RNF182: variants seen among roughly 807,000 people sequenced by gnomAD.
The protein encoded by RNF182 is E3 ubiquitin-protein ligase RNF182.
A neutral mutation model predicts 14.4 loss-of-function variants in RNF182; 15 were observed. The ratio of observed to expected loss-of-function variants is 1.04; its 90% CI spans 0.70 to 1.60. The LOEUF is 1.60. Among genes scored for constraint, RNF182 ranks in the 40% most tolerant of loss-of-function variants. The probability of loss-of-function intolerance (pLI) is 0.00; values close to 1 mark genes in which losing one functional copy is unlikely to be tolerated. For missense variants in RNF182, 268 were observed against 294.8 expected (o/e 0.91, Z 0.67); for synonymous variants, 128 against 122.9 (o/e 1.04, Z -0.27).
At chr6:13,972,452 A>C (rs1760214386) in intron 1 of RNF182, among the ~76,000 whole-genome samples, 1 of 152,196 alleles carries the variant, frequency 6.6e-6, no homozygotes, top group Admixed American at 6.5e-5. Context: ...GTTAATTGCC[A>C]AGACAATGGG....
rs921129182 is a variant in RNF182 at position 13,924,951 on chromosome 6, CGG to C, written c.-437_-436del. Reference sequence around the variant, plus strand: ...GCTCCTCGCGCGAGCTCCTCCTCCACGGGAACCTCCCTCCCCTCCCAGGCGCC... The same window carrying C: ...GCTCCTCGCGCGAGCTCCTCCTCCACGAACCTCCCTCCCCTCCCAGGCGCC... On this transcript the variant is annotated 5_prime_UTR_variant, in exon 1 of 3. Transcript: ENST00000488300. The C allele has an allele frequency of 6.5e-5, 7 of 108,378 alleles. No homozygotes were observed. The highest frequency in any genetic ancestry group is 2.4e-4 in the African/African-American group (7 of 28,856). 6.7% of individuals were successfully genotyped at this position (108,378 alleles called of 1,614,324 possible).
intron 1 of RNF182, among the ~76,000 whole-genome samples, chr6:13,936,946 C>T (rs1226247974): frequency 1.3e-5 from 2 of 151,832 alleles, no homozygotes; most frequent in African/African-American, 2.4e-5. Flanking sequence ...GGAGTGAGGT[C>T]GAGGAGGAGA....
intron 1 of RNF182, among the ~76,000 whole-genome samples, chr6:13,928,145 A>G (rs1758875995): frequency 1.3e-5 from 2 of 152,340 alleles, no homozygotes; most frequent in Non-Finnish European, 2.9e-5. Flanking sequence ...TGGAGATAAG[A>G]TGTCTTAAGC....
At chr6:13,968,246 CAGGGGCAG>C (rs912897655) in intron 1 of RNF182, among the ~76,000 whole-genome samples, 1 of 152,088 alleles carries the variant, frequency 6.6e-6, no homozygotes, top group African/African-American at 2.4e-5. Context: ...AAGAAACAAT[CAGGGGCAG>C]AGGTGATGCA....
rs1248992697 is a variant in RNF182, at chr6:13,952,307, C to T, written c.-366-21903C>T. ...ATTTCCCCCTTTGCGGGAGAGAAAG[C>T]TCCTCATTGTCCCACTATCCTGTAC... On this transcript the variant is annotated intron_variant, in intron 1 of 2. Transcript: ENST00000488300. Among the ~76,000 whole-genome samples the T allele has an allele frequency of 4.6e-5, 7 of 152,276 alleles. No homozygotes were observed. The South Asian group carries it at 1.2e-3, about 27-fold the overall frequency.
rs10694591 is a variant in RNF182, at chr6:13,980,201, T to TTTTTATTTTATTTTATTTTATTTTA, written c.*2357_*2381dup. On this transcript the variant is annotated 3_prime_UTR_variant, in exon 3 of 3. Transcript: ENST00000488300. ...ACACTTTTAAAAGGCCTTCATAGTT[T>TTTTTATTTTATTTTATTTTATTTTA]TTTTATTTTATTTTATTTTATTTTA... The TTTTTATTTTATTTTATTTTATTTTA allele has an allele frequency of 7.0e-5, 10 of 142,220 alleles. No homozygotes were observed. The highest frequency in any genetic ancestry group is 2.2e-4 in the South Asian group (1 of 4,558). The allele number at this position is 142,220 out of a possible 1,614,324, so 8.8% of individuals were successfully genotyped here.
At chr6:13,952,443 G>A (rs1759618373) in intron 1 of RNF182, among the ~76,000 whole-genome samples, 1 of 151,972 alleles carries the variant, frequency 6.6e-6, no homozygotes. Context: ...ACCAAAAGAG[G>A]CCTTACTGAG....
chr6:13,945,113 T>G (rs958961578), intron 1 of RNF182, among the ~76,000 whole-genome samples: 17 of 152,204 alleles, frequency 1.1e-4, no homozygotes, highest in Non-Finnish European at 2.5e-4. Context: ...AAGGTTGCTC[T>G]TAGTTATAGA....
intron 1 of RNF182, among the ~76,000 whole-genome samples, chr6:13,929,757 T>C (rs1451553723): frequency 7.2e-5 from 11 of 152,244 alleles, no homozygotes; most frequent in Admixed American, 7.2e-4. Flanking sequence ...CCTGGCTTTA[T>C]GTCAAGGAAT....
intron 1 of RNF182, among the ~76,000 whole-genome samples, chr6:13,964,832 A>C (rs1255531115): frequency 6.6e-6 from 1 of 152,184 alleles, no homozygotes. Flanking sequence ...ACCAAGGAGA[A>C]AAATCCATAG....
chr6:13,949,677 T>G (rs1327477448), intron 1 of RNF182: 2 of 284,840 alleles, frequency 7.0e-6, no homozygotes, highest in Non-Finnish European at 1.4e-5. Context: ...ATCAGAAGTT[T>G]TACTTGTTTC....
At chr6:13,926,717 T>G (rs113356922) in intron 1 of RNF182, among the ~76,000 whole-genome samples, 221 of 152,196 alleles carry the variant, frequency 1.5e-3, no homozygotes, top group Middle Eastern at 3.4e-3. Context: ...CTAGGCACAT[T>G]ATATAGACAG....
chr6:13,969,254 C>T (rs1265438463), intron 1 of RNF182, among the ~76,000 whole-genome samples: 1 of 152,090 alleles, frequency 6.6e-6, no homozygotes, highest in African/African-American at 2.4e-5. Context: ...GTATCCCTTC[C>T]CCTGGTCCCT....
intron 1 of RNF182, among the ~76,000 whole-genome samples, chr6:13,948,619 A>G (rs550883311): frequency 1.3e-5 from 2 of 152,338 alleles, no homozygotes; most frequent in South Asian, 2.1e-4. Flanking sequence ...AGGATTATCA[A>G]GTCAGGAAAG....
intron 1 of RNF182, among the ~76,000 whole-genome samples, chr6:13,951,769 A>G (rs1175019006): frequency 6.6e-6 from 1 of 152,180 alleles, no homozygotes; most frequent in East Asian, 1.9e-4. Context: ...CACATTATAA[A>G]AGAAAATCAT....
chr6:13,972,517 C>T (rs965179165), intron 1 of RNF182, among the ~76,000 whole-genome samples: 1 of 152,094 alleles, frequency 6.6e-6, no homozygotes, highest in African/African-American at 2.4e-5. Context: ...ATCACAGACC[C>T]AGAGGGCTAA....
chr6:13,949,283 T>C, intron 1 of RNF182: 1 of 779,338 alleles, frequency 1.3e-6, no homozygotes. Context: ...ACTTACCACA[T>C]CTGTCAGAAA....
intron 1 of RNF182, among the ~76,000 whole-genome samples, chr6:13,932,024 A>G (rs1049637955): frequency 6.6e-6 from 1 of 152,188 alleles, no homozygotes; most frequent in Non-Finnish European, 1.5e-5. Context: ...CCAGATACCT[A>G]ATCTGCCAGC....
At chr6:13,974,152 A>G (rs1206403851) in intron 1 of RNF182, 58 bp from the exon 2 acceptor site, 2 of 151,840 alleles carry the variant, frequency 1.3e-5, no homozygotes, top group African/African-American at 4.8e-5. Context: ...TAACTGTAGC[A>G]GTTGGTAGCC....
Sources: allele counts gnomAD v4.1 joint callset (sites outside exome capture counted in the v4.1 genomes callset), GRCh38; gene constraint gnomAD v4.1.1; transcripts MANE v1.5; gene names NCBI Gene and HGNC (gene_info 2026-07-23, HGNC 2026-07-21).